The following RNF19A variants were observed in gnomAD, a reference collection of about 807,000 sequenced individuals.
RNF19A encodes ring finger protein 19A, RBR E3 ubiquitin protein ligase.
A neutral mutation model predicts 75.7 loss-of-function variants in RNF19A; 32 were observed. The ratio of observed to expected loss-of-function variants is 0.42; its 90% CI spans 0.32 to 0.57. The LOEUF (loss-of-function observed/expected upper bound fraction) is 0.57, where lower values mean the gene tolerates loss of function less well. RNF19A is among the 20% of genes least tolerant of loss of function. The probability of loss-of-function intolerance (pLI) is 0.10; values close to 1 mark genes in which losing one functional copy is unlikely to be tolerated. For synonymous variants in RNF19A, 335 were observed against 345.2 expected (o/e 0.97, Z 0.33); for missense variants, 782 against 1,036.3 (o/e 0.75, Z 3.37).
chr8:100,259,865 G>A lies in RNF19A; in HGVS notation c.1815C>T (p.Ile605=), dbSNP rs767519899. ...AGTTTTTTCCTTACTTGTCCAATGG[G>A]ATGTAGGAATTCAGAATGGATCCTG... ...AMAGSILNSY[I]PLDKEGNSME... Residue 605 remains isoleucine (I), a synonymous_variant, in exon 9 of 10, where the codon ATC becomes ATT. Coordinates refer to ENST00000341084, the MANE Select transcript of RNF19A (RefSeq NM_183419.4). This position sits in a 1 kb window ranked among gnomAD's most constrained non-coding sequence, Gnocchi z 4.5. The A allele has an allele frequency of 6.2e-7, 1 of 1,611,920 alleles. No individual in the cohort carries two copies. Among genetic ancestry groups the A allele is most frequent in the Non-Finnish European group, 8.5e-7 (1 of 1,179,202 alleles).
At chr8:100,306,684 G>A (rs1319305742) in intron 1 of RNF19A, among the ~76,000 whole-genome samples, 1 of 152,196 alleles carries the variant, frequency 6.6e-6, no homozygotes, top group Admixed American at 6.5e-5. Context: ...CTGCCTGTTT[G>A]GTTGAAGCCT....
chr8:100,264,812 G>A lies in RNF19A; in HGVS notation c.1192-27C>T. ...TTGAATTAATAAAAATAGGGGTGGG[G>A]GATTAAAGAGAAAATACATTACAAT... On this transcript the variant is annotated intron_variant, in intron 5 of 9. Transcript: ENST00000341084. This position sits in a 1 kb window ranked among gnomAD's most constrained non-coding sequence, Gnocchi z 4.7. 1 of 1,459,696 alleles carries A rather than the reference G, an allele frequency of 6.9e-7. No homozygotes were observed. Among genetic ancestry groups the A allele is most frequent in the African/African-American group, 1.4e-5 (1 of 71,796 alleles). 90.4% of individuals were successfully genotyped at this position (1,459,696 alleles called of 1,614,324 possible). A position where few individuals can be genotyped will look rare whatever the true frequency, so the allele number is the denominator to read the frequency against.
chr8:100,263,029 A>C (rs1819798070), intron 7 of RNF19A, among the ~76,000 whole-genome samples: 1 of 152,200 alleles, frequency 6.6e-6, no homozygotes, highest in Non-Finnish European at 1.5e-5. Context: ...TAGACAAGTT[A>C]AGCTTGAAAT....
chr8:100,268,737 T>G (rs374111480), intron 5 of RNF19A, 48 bp downstream of exon 5: 14 of 966,984 alleles, frequency 1.4e-5, no homozygotes, highest in Non-Finnish European at 2.0e-5. Context: ...AGAATACACC[T>G]AAAGATTTAG....
intron 2 of RNF19A, among the ~76,000 whole-genome samples, chr8:100,282,874 A>C (rs1820845603): frequency 6.6e-6 from 1 of 152,144 alleles, no homozygotes; most frequent in African/African-American, 2.4e-5. Flanking sequence ...AATATTCTCC[A>C]CCAGAGTAAG....
intron 1 of RNF19A, among the ~76,000 whole-genome samples, chr8:100,320,926 T>C (rs1279583595): frequency 1.3e-5 from 2 of 152,216 alleles, no homozygotes; most frequent in African/African-American, 4.8e-5. Flanking sequence ...GCATCACGTG[T>C]AAAAATGTAT....
chr8:100,326,431 T>G (rs1295509412), intron 1 of RNF19A, among the ~76,000 whole-genome samples: 1 of 152,166 alleles, frequency 6.6e-6, no homozygotes, highest in African/African-American at 2.4e-5. Context: ...TAGCAAATTC[T>G]AACTGAGAAT....
intron 2 of RNF19A, among the ~76,000 whole-genome samples, chr8:100,277,201 G>T (rs1820563336): frequency 6.6e-6 from 1 of 152,168 alleles, no homozygotes; most frequent in African/African-American, 2.4e-5. Flanking sequence ...TAAAATTTAA[G>T]TAATAATTGT....
upstream of RNF19A, chr8:100,310,221 G>A (rs960500916): frequency 6.1e-6 from 6 of 985,094 alleles, no homozygotes; most frequent in African/African-American, 1.7e-5. Context: ...ACGCCCACCG[G>A]GCCCGCTGCG....
chr8:100,274,785 T>A (rs919570162), intron 3 of RNF19A, among the ~76,000 whole-genome samples, 168 bp downstream of exon 3: 2 of 152,176 alleles, frequency 1.3e-5, no homozygotes, highest in African/African-American at 4.8e-5. Flanking sequence ...TCTTTCTAAT[T>A]TCAGAACCAC....
At position 100,269,757 on chromosome 8, in the gene RNF19A, G is replaced by T; in HGVS notation, c.1028+112C>A. On this transcript the variant is annotated intron_variant, in intron 4 of 9. Coordinates refer to ENST00000341084, the MANE Select transcript of RNF19A (RefSeq NM_183419.4). This position sits in a 1 kb window ranked among gnomAD's most constrained non-coding sequence, Gnocchi z 5.7. Reference sequence around the variant, plus strand: ...GGTTTCTTTTAAATTTATTTAACTAGAATAAAACCAATCCCTTTAAGTATC... The same window carrying T: ...GGTTTCTTTTAAATTTATTTAACTATAATAAAACCAATCCCTTTAAGTATC... 4.3e-6 allele frequency: 3 copies of T among 690,670 alleles called. No homozygotes were observed. The highest frequency in any genetic ancestry group is 6.6e-6 in the Non-Finnish European group (3 of 457,162). The allele number at this position is 690,670 out of a possible 1,614,324, so 42.8% of individuals were successfully genotyped here. A position where few individuals can be genotyped will look rare whatever the true frequency, so the allele number is the denominator to read the frequency against.
intron 1 of RNF19A, among the ~76,000 whole-genome samples, chr8:100,295,048 G>A (rs922671322): frequency 3.9e-5 from 6 of 152,160 alleles, no homozygotes; most frequent in African/African-American, 1.4e-4. Context: ...GAACAAAATA[G>A]ACAAGGTCCC....
intron 1 of RNF19A, among the ~76,000 whole-genome samples, chr8:100,290,517 T>C (rs1327056704): frequency 6.6e-6 from 1 of 152,188 alleles, no homozygotes; most frequent in Non-Finnish European, 1.5e-5. Flanking sequence ...GTTTTTTTCC[T>C]CCTATGGCTG....
chr8:100,334,619 T>C (rs959074791), intron 1 of RNF19A, among the ~76,000 whole-genome samples: 1 of 152,208 alleles, frequency 6.6e-6, no homozygotes, highest in Admixed American at 6.5e-5. Context: ...AGAATTTTAT[T>C]GGTCTAAGAT....
rs149882641 is a variant in RNF19A, at chr8:100,262,766, C to T, written c.1469-1011G>A. Among the ~76,000 whole-genome samples, 1,236 of 151,946 alleles carry T rather than the reference C, an allele frequency of 8.1e-3. 8 individuals carry two copies. The highest frequency in any genetic ancestry group is 0.014 in the Non-Finnish European group (937 of 67,976). On this transcript the variant is annotated intron_variant, in intron 7 of 9. Coordinates refer to ENST00000341084, the MANE Select transcript of RNF19A (RefSeq NM_183419.4). ...GCAGTTAAGAGGCTATTACAATAGC[C>T]CAGGAAAGAGGATGGTAGCTTGGAC...
chr8:100,328,796 G>T (rs936877200), intron 1 of RNF19A, among the ~76,000 whole-genome samples: 4 of 152,188 alleles, frequency 2.6e-5, no homozygotes, highest in Non-Finnish European at 4.4e-5. Context: ...GACAGCAATG[G>T]TTGTGCAAAT....
chr8:100,285,072 CA>C (rs1327489494), intron 2 of RNF19A, among the ~76,000 whole-genome samples: 1 of 152,036 alleles, frequency 6.6e-6, no homozygotes, highest in African/African-American at 2.4e-5. Context: ...TGTTAATGAA[CA>C]TTTTTTTGTT....
chr8:100,305,436 A>G (rs1822026817), intron 1 of RNF19A, among the ~76,000 whole-genome samples: 1 of 152,244 alleles, frequency 6.6e-6, no homozygotes, highest in South Asian at 2.1e-4. Context: ...CCCTAGAGCT[A>G]CGCTGTCCAA....
intron 3 of RNF19A, among the ~76,000 whole-genome samples, chr8:100,272,007 A>G (rs1820278835): frequency 6.6e-6 from 1 of 152,144 alleles, no homozygotes; most frequent in South Asian, 2.1e-4. Flanking sequence ...AATATGGGCC[A>G]TTGTCATATT....
Sources: allele counts gnomAD v4.1 joint callset (sites outside exome capture counted in the v4.1 genomes callset), GRCh38; gene constraint gnomAD v4.1.1; non-coding constraint Gnocchi (gnomAD v3.1); transcripts MANE v1.5; gene names NCBI Gene and HGNC (gene_info 2026-07-23, HGNC 2026-07-21).